Variants in IFIH1 observed in about 807,000 individuals in gnomAD.
IFIH1 encodes the protein interferon induced with helicase C domain 1.
Under a neutral mutation model 107.4 loss-of-function variants are expected in IFIH1, and 125 were observed. The ratio of observed to expected loss-of-function variants is 1.16; its 90% confidence interval spans 1.01 to 1.35. The LOEUF is 1.35. IFIH1 is among the 40% of genes most tolerant of loss of function. The pLI is 0.00. For missense variants in IFIH1, 1,333 were observed against 1,213.7 expected (o/e 1.10, Z -1.46); for synonymous variants, 458 against 413.2 (o/e 1.11, Z -1.31).
At position 162,277,632 on chromosome 2, in the gene IFIH1, C is replaced by A; in HGVS notation, c.1827G>T (p.Glu609Asp). 1.2e-6 allele frequency: 2 copies of A among 1,613,058 alleles called. No homozygotes were observed. Residue 609 changes from glutamate to aspartate, a missense_variant, in exon 10 of 16, where the codon GAG becomes GAT. Physicochemically the swap from Glu to Asp is conservative, Grantham distance 45. Coordinates refer to ENST00000649979, the MANE Select transcript of IFIH1 (RefSeq NM_022168.4). The stretch of plus-strand genomic sequence containing the variant: ...GAATTGTGTCATTAATTTGTAGGGC[C>A]TCATTGTACTTCCTCAAATGTTCTG... ...VCAEHLRKYN[E>D]ALQINDTIRM...
chr2:162,300,935 C>T (rs553712929), intron 3 of IFIH1, among the ~76,000 whole-genome samples: 19 of 151,868 alleles, frequency 1.3e-4, no homozygotes, highest in Non-Finnish European at 5.9e-5. Context: ...TTAGTATAGA[C>T]CAAATCTAAG....
chr2:162,308,321 C>T (rs933127374), intron 2 of IFIH1, among the ~76,000 whole-genome samples: 1 of 151,900 alleles, frequency 6.6e-6, no homozygotes, highest in East Asian at 1.9e-4. Context: ...CTCTTTCTTC[C>T]TCTTCTTAAA....
At position 162,273,195 on chromosome 2, in the gene IFIH1, G is replaced by A. The variant is rs144027711; in HGVS notation, c.2454+600C>T. 2.8e-3 allele frequency among the ~76,000 whole-genome samples: 424 copies of A among 152,264 alleles called. 2 individuals carry two copies. The highest frequency in any genetic ancestry group is 1.0e-2 in the African/African-American group (415 of 41,546). ...ATCTATTAATCAGCATAACACCTAT[G>A]CCTACTCAACAGGTTACAATAATGC... is the stretch of plus-strand genomic sequence containing the variant. On this transcript the variant is annotated intron_variant, in intron 12 of 15. Transcript: ENST00000649979.
intron 1 of IFIH1, among the ~76,000 whole-genome samples, chr2:162,313,293 C>A (rs1389667791): frequency 6.6e-6 from 1 of 152,076 alleles, no homozygotes. Flanking sequence ...TACAGAAATT[C>A]GTGGGAGGTG....
At chr2:162,287,118 C>G (rs1209035587) in intron 5 of IFIH1, among the ~76,000 whole-genome samples, 1 of 151,694 alleles carries the variant, frequency 6.6e-6, no homozygotes, top group Non-Finnish European at 1.5e-5. Context: ...AGTAAGTATA[C>G]AAGTATAAAG....
chr2:162,314,398 C>CCCTCCTTT lies in IFIH1; in HGVS notation c.453+3456_453+3457insAAAGGAGG, dbSNP rs1379199620. 3.1e-4 allele frequency among the ~76,000 whole-genome samples: 21 copies of CCCTCCTTT among 67,022 alleles called. 3 individuals are homozygous for CCCTCCTTT. The highest frequency in any genetic ancestry group is 1.4e-3 in the African/African-American group (17 of 12,120). 44.0% of individuals were successfully genotyped at this position (67,022 alleles called of 152,430 possible). On this transcript the variant is annotated intron_variant, in intron 1 of 15. Coordinates refer to ENST00000649979, the MANE Select transcript of IFIH1 (RefSeq NM_022168.4). ...TCCCTCCCTCCCTCCCTCCCTCCCTCCTTTCTTTCTTTCTTTCTTTTCTTT... is the reference window on the plus strand; with the variant it reads ...TCCCTCCCTCCCTCCCTCCCTCCCTCCCTCCTTTCTTTCTTTCTTTCTTTCTTTTCTTT...
At chr2:162,303,833 T>C (rs1269021693) in intron 3 of IFIH1, among the ~76,000 whole-genome samples, 1 of 152,212 alleles carries the variant, frequency 6.6e-6, no homozygotes, top group Non-Finnish European at 1.5e-5. Flanking sequence ...GCTAATGCAA[T>C]GCATTAGTCT....
chr2:162,281,587 C>A, intron 6 of IFIH1, 42 bp from the exon 7 acceptor site: 1 of 1,407,438 alleles, frequency 7.1e-7, no homozygotes, highest in Non-Finnish European at 9.9e-7. Flanking sequence ...CATATCAGCA[C>A]ACTACAGTGA....
At chr2:162,314,429 T>G (rs1481029259) in intron 1 of IFIH1, among the ~76,000 whole-genome samples, 3 of 93,070 alleles carry the variant, frequency 3.2e-5, no homozygotes, top group Admixed American at 1.3e-4. Flanking sequence ...TCTTTCTTTC[T>G]TTCTTTCTTT....
chr2:162,299,785 G>A lies in IFIH1; in HGVS notation c.770-6117C>T, dbSNP rs566956779. ...GTAAAAATTACTGTTAGAGAAACTC[G>A]TTAACTTTCACTGATCTTAGAAGTC... On this transcript the variant is annotated intron_variant, in intron 3 of 15. Transcript: ENST00000649979. Among the ~76,000 whole-genome samples the A allele has an allele frequency of 5.3e-5, 8 of 152,242 alleles. No individual in the cohort carries two copies. The East Asian group carries it at 7.7e-4, about 15-fold the overall frequency.
chr2:162,273,707 G>T (rs1691090509), intron 12 of IFIH1, 88 bp downstream of exon 12: 1 of 989,282 alleles, frequency 1.0e-6, no homozygotes, highest in Non-Finnish European at 1.5e-6. Context: ...CTAAAAAGAT[G>T]TTTTTGCTGT....
rs761784724 is a variant in IFIH1, at chr2:162,272,220, C to T, written c.2616+6G>A. The T allele has an allele frequency of 2.0e-5, 32 of 1,608,044 alleles. No individual in the cohort carries two copies. The South Asian group carries it at 3.1e-4, about 16-fold the overall frequency. On this transcript the variant is annotated splice_donor_region_variant and intron_variant, in intron 13 of 15. Transcript: ENST00000649979. ...GAAAATCAAATTCAGAGGTGACCAA[C>T]AATACCTTATGAGCATACTCCTCTG...
chr2:162,283,012 T>C (rs1239403460), intron 5 of IFIH1, among the ~76,000 whole-genome samples: 2 of 151,116 alleles, frequency 1.3e-5, no homozygotes, highest in East Asian at 3.9e-4. Flanking sequence ...AAAGATAAAC[T>C]GAAGCTAAGG....
At position 162,288,007 on chromosome 2, in the gene IFIH1, G is replaced by A. The variant is rs190857415; in HGVS notation, c.1095+128C>T. 1.3e-5 allele frequency: 8 copies of A among 621,134 alleles called. No individual in the cohort carries two copies. In the East Asian group the frequency reaches 2.0e-4, roughly 15 times the overall value. The allele number at this position is 621,134 out of a possible 1,614,324, so 38.5% of individuals were successfully genotyped here. On this transcript the variant is annotated intron_variant, in intron 5 of 15. Coordinates refer to ENST00000649979, the MANE Select transcript of IFIH1 (RefSeq NM_022168.4). ...TAAAAAAGATTAAAGATAAAATAAA[G>A]AGCTTATTTTGACATTACTCTTAAT...
chr2:162,275,472 A>C (rs999028926), intron 11 of IFIH1, among the ~76,000 whole-genome samples: 1 of 152,178 alleles, frequency 6.6e-6, no homozygotes, highest in South Asian at 2.1e-4. Context: ...TATAAAGCAA[A>C]CTACATCTCA....
At chr2:162,286,133 G>A (rs1300586644) in intron 5 of IFIH1, among the ~76,000 whole-genome samples, 2 of 151,944 alleles carry the variant, frequency 1.3e-5, no homozygotes, top group Admixed American at 1.3e-4. Flanking sequence ...CACTAGGAAT[G>A]ATGACAGGTT....
At chr2:162,298,928 G>A (rs1365245088) in intron 3 of IFIH1, among the ~76,000 whole-genome samples, 1 of 151,992 alleles carries the variant, frequency 6.6e-6, no homozygotes, top group African/African-American at 2.4e-5. Flanking sequence ...AAGCTTCTAG[G>A]AAATGAGTTC....
At chr2:162,303,545 G>T (rs920405835) in intron 3 of IFIH1, among the ~76,000 whole-genome samples, 1 of 152,004 alleles carries the variant, frequency 6.6e-6, no homozygotes, top group Non-Finnish European at 1.5e-5. Context: ...CCTGGCACAT[G>T]ATAGGAGTTT....
At position 162,288,104 on chromosome 2, in the gene IFIH1, G is replaced by T. The variant is rs752974053; in HGVS notation, c.1095+31C>A. The T allele has an allele frequency of 5.1e-6, 7 of 1,380,480 alleles. No homozygotes were observed. In the Admixed American group the frequency reaches 8.7e-5, roughly 17 times the overall value. 85.5% of individuals were successfully genotyped at this position (1,380,480 alleles called of 1,614,324 possible). ...AGTTTCAGAATAATACAATGAAAAT[G>T]ATCAACTAGTGTTATGTGTTCTTTG... On this transcript the variant is annotated intron_variant, in intron 5 of 15. Coordinates refer to ENST00000649979, the MANE Select transcript of IFIH1 (RefSeq NM_022168.4).
Sources: allele counts gnomAD v4.1 joint callset (sites outside exome capture counted in the v4.1 genomes callset), GRCh38; gene constraint gnomAD v4.1.1; transcripts MANE v1.5; gene names NCBI Gene and HGNC (gene_info 2026-07-23, HGNC 2026-07-21).